GIPC2: variants seen among roughly 807,000 people sequenced by gnomAD.
The protein encoded by GIPC2 is GIPC PDZ domain containing family member 2, also known as PDZ domain-containing protein GIPC2.
A neutral mutation model predicts 30.6 loss-of-function variants in GIPC2; 30 were observed. That is an observed-to-expected ratio of 0.98 (90% CI 0.73 to 1.33). GIPC2 has a LOEUF of 1.33. Among genes scored for constraint, GIPC2 ranks in the 40% most tolerant of loss-of-function variants. GIPC2 has a pLI of 0.00. For missense variants in GIPC2, 414 were observed against 390.3 expected (o/e 1.06, Z -0.51); for synonymous variants, 167 against 150.0 (o/e 1.11, Z -0.83).
At chr1:78,128,709 T>C (rs1043278473) in intron 5 of GIPC2, among the ~76,000 whole-genome samples, 1 of 152,156 alleles carries the variant, frequency 6.6e-6, no homozygotes, top group Non-Finnish European at 1.5e-5. Flanking sequence ...TATGATATAG[T>C]ATTGCTTACA....
At chr1:78,120,594 G>A (rs1240847648) in intron 4 of GIPC2, among the ~76,000 whole-genome samples, 1 of 152,136 alleles carries the variant, frequency 6.6e-6, no homozygotes, top group Non-Finnish European at 1.5e-5. Context: ...AGAAAAAGAG[G>A]TTTAACGGAC....
rs557751221 is a variant in GIPC2, at chr1:78,119,624, A to G, written c.714+125A>G. The G allele has an allele frequency of 9.5e-5, 58 of 613,384 alleles. No homozygotes were observed. In the African/African-American group the frequency reaches 9.6e-4, roughly 10 times the overall value. The allele number at this position is 613,384 out of a possible 1,614,324, so 38.0% of individuals were successfully genotyped here. A position where few individuals can be genotyped will look rare whatever the true frequency, so the allele number is the denominator to read the frequency against. On this transcript the variant is annotated intron_variant, in intron 4 of 5. Coordinates refer to ENST00000370759, the MANE Select transcript of GIPC2 (RefSeq NM_017655.6). The stretch of plus-strand genomic sequence containing the variant: ...ATTTAAACAATCTGGAAATTACTGA[A>G]GGTATTTAAAAAGGAAATATAGAAA...
chr1:78,063,264 C>T (rs1335043787), intron 1 of GIPC2, among the ~76,000 whole-genome samples: 2 of 151,888 alleles, frequency 1.3e-5, no homozygotes, highest in African/African-American at 4.8e-5. Flanking sequence ...CTTTGGGAGG[C>T]CGAGACGGGC....
intron 3 of GIPC2, among the ~76,000 whole-genome samples, chr1:78,101,087 T>C (rs1662242237): frequency 6.6e-6 from 1 of 151,950 alleles, no homozygotes; most frequent in Non-Finnish European, 1.5e-5. Flanking sequence ...ATTCAATCAC[T>C]GAGAGTGATA....
chr1:78,080,619 A>T, intron 1 of GIPC2, 56 bp from the exon 2 acceptor site: 1 of 897,116 alleles, frequency 1.1e-6, no homozygotes. Flanking sequence ...TAAATAAATT[A>T]ACGGTCAGAT....
chr1:78,091,523 C>T, intron 2 of GIPC2: 1 of 739,334 alleles, frequency 1.4e-6, no homozygotes. Context: ...CAGCTCCAAA[C>T]AGCCGTCCGA....
At chr1:78,087,360 A>G (rs1036133280) in intron 2 of GIPC2, among the ~76,000 whole-genome samples, 1 of 152,232 alleles carries the variant, frequency 6.6e-6, no homozygotes, top group African/African-American at 2.4e-5. Context: ...CTACAGGGCT[A>G]CAGTAACCAA....
intron 3 of GIPC2, among the ~76,000 whole-genome samples, chr1:78,110,903 C>G (rs188115568): frequency 6.6e-4 from 100 of 152,252 alleles, no homozygotes; most frequent in Admixed American, 1.8e-3. Flanking sequence ...GAGATCTGTT[C>G]TTTGTGAATT....
chr1:78,046,837 A>G (rs1661102485), intron 1 of GIPC2, among the ~76,000 whole-genome samples: 1 of 151,748 alleles, frequency 6.6e-6, no homozygotes, highest in Admixed American at 6.6e-5. Context: ...GTGGGGGGGA[A>G]AACATTGAAG....
intron 2 of GIPC2, among the ~76,000 whole-genome samples, chr1:78,086,301 G>A: frequency 6.6e-6 from 1 of 152,086 alleles, no homozygotes; most frequent in East Asian, 1.9e-4. Context: ...TATGATTTCA[G>A]TTCTTTTGCA....
rs34561240 is a variant in GIPC2 at position 78,135,731 on chromosome 1, A to G, written c.936A>G (p.Arg312=). 17,289 of 1,613,636 alleles carry G rather than the reference A, an allele frequency of 0.011. 259 individuals are homozygous for G. Among genetic ancestry groups the G allele is most frequent in the African/African-American group, 0.071 (5,314 of 74,988 alleles). ...DVWGVIGDAK[R]RGL The stretch of plus-strand genomic sequence containing the variant: ...GGGGAGTCATTGGTGATGCCAAACG[A>G]AGAGGATTATGATGTGTACACTCCA... The change falls in exon 6 of 6, where the codon CGA becomes CGG. Residue 312 remains arginine (R), a synonymous_variant. Coordinates refer to ENST00000370759, the MANE Select transcript of GIPC2 (RefSeq NM_017655.6).
At chr1:78,085,495 C>A (rs1274479023) in intron 2 of GIPC2, among the ~76,000 whole-genome samples, 1 of 151,264 alleles carries the variant, frequency 6.6e-6, no homozygotes, top group Admixed American at 6.6e-5. Context: ...ATAGGAATGG[C>A]ACCAGCTTTT....
chr1:78,129,940 C>G (rs577049332), intron 5 of GIPC2, among the ~76,000 whole-genome samples: 7 of 151,678 alleles, frequency 4.6e-5, no homozygotes, highest in South Asian at 4.2e-4. Context: ...ATGATTGTTT[C>G]AAAGTCATTT....
chr1:78,069,074 T>C (rs1661571338), intron 1 of GIPC2: 2 of 985,232 alleles, frequency 2.0e-6, no homozygotes, highest in Admixed American at 1.2e-4. Context: ...TGGAAGAAAC[T>C]GCTTGGTGAG....
intron 1 of GIPC2, among the ~76,000 whole-genome samples, chr1:78,076,258 A>G (rs1229293592): frequency 6.6e-6 from 1 of 152,242 alleles, no homozygotes; most frequent in Non-Finnish European, 1.5e-5. Context: ...GATACTGAAG[A>G]TGTTGATGTC....
intron 2 of GIPC2, among the ~76,000 whole-genome samples, chr1:78,089,266 C>T (rs1661992688): frequency 6.6e-6 from 1 of 152,162 alleles, no homozygotes; most frequent in Non-Finnish European, 1.5e-5. Context: ...CACTTATTTA[C>T]TGGCTGTGTA....
chr1:78,093,226 T>C (rs1662073156), intron 2 of GIPC2, among the ~76,000 whole-genome samples: 2 of 152,220 alleles, frequency 1.3e-5, no homozygotes, highest in South Asian at 4.1e-4. Flanking sequence ...TAGTTTTTTC[T>C]TCTTTAGACT....
intron 1 of GIPC2, among the ~76,000 whole-genome samples, chr1:78,055,978 C>T (rs769549774): frequency 2.0e-5 from 3 of 152,158 alleles, no homozygotes; most frequent in Non-Finnish European, 4.4e-5. Flanking sequence ...AATCTCTCCC[C>T]TACTCTTTCC....
Position 78,136,374 on chromosome 1 carries a change from G to A in GIPC2, c.*631G>A, listed in dbSNP as rs1431037042. ...TTTATACATGCTCTTAAAACTTGTG[G>A]TTGAAATCTGTGCTGTGTGTGTGTG... is the stretch of plus-strand genomic sequence containing the variant. On this transcript the variant is annotated 3_prime_UTR_variant, in exon 6 of 6. Transcript: ENST00000370759. 1 of 152,014 alleles carries A rather than the reference G, an allele frequency of 6.6e-6. No homozygotes were observed. The highest frequency in any genetic ancestry group is 2.4e-5 in the African/African-American group (1 of 41,368). The allele number at this position is 152,014 out of a possible 1,614,324, so 9.4% of individuals were successfully genotyped here.
Sources: allele counts gnomAD v4.1 joint callset (sites outside exome capture counted in the v4.1 genomes callset), GRCh38; gene constraint gnomAD v4.1.1; transcripts MANE v1.5; gene names NCBI Gene and HGNC (gene_info 2026-07-23, HGNC 2026-07-21).